Variants in KBTBD11 observed in about 807,000 individuals in gnomAD.
The protein encoded by KBTBD11 is kelch repeat and BTB domain containing 11.
For synonymous variants in KBTBD11, 747 were observed against 499.0 expected, an observed-to-expected ratio of 1.50 and a Z score of -6.63; for missense variants, 1,390 against 1,001.8, an observed-to-expected ratio of 1.39 and a Z score of -5.23.
In KBTBD11 at chr8:2,001,445, G is replaced by C. The variant is rs1817349411; in HGVS notation, c.253G>C (p.Ala85Pro). The C allele has an allele frequency of 7.4e-7, 1 of 1,356,520 alleles. No homozygotes were observed. The highest frequency in any genetic ancestry group is 9.4e-7 in the Non-Finnish European group (1 of 1,062,646). 84.0% of individuals were successfully genotyped at this position (1,356,520 alleles called of 1,614,324 possible). A position where few individuals can be genotyped will look rare whatever the true frequency, so the allele number is the denominator to read the frequency against. Residue 85 changes from alanine to proline, a missense_variant, in exon 2 of 2, where the codon GCC becomes CCC. Coordinates refer to ENST00000320248, the MANE Select transcript of KBTBD11 (RefSeq NM_014867.3). ...ERQWEAGSAG[A>P]ASPEELASPE... is the part of the protein sequence containing the mutation. ...GCAGTGGGAGGCCGGCAGCGCGGGC[G>C]CCGCGTCCCCGGAGGAGCTCGCGTC...
rs1466205717 is a variant in KBTBD11 at position 1,973,946 on chromosome 8, C to G, written c.-909+11C>G. 3.1e-6 allele frequency: 3 copies of G among 982,786 alleles called. No individual in the cohort carries two copies. The highest frequency in any genetic ancestry group is 1.2e-6 in the Non-Finnish European group (1 of 828,524). The allele number at this position is 982,786 out of a possible 1,614,324, so 60.9% of individuals were successfully genotyped here. A position where few individuals can be genotyped will look rare whatever the true frequency, so the allele number is the denominator to read the frequency against. On this transcript the variant is annotated intron_variant, in intron 1 of 1. Coordinates refer to ENST00000320248, the MANE Select transcript of KBTBD11 (RefSeq NM_014867.3). The stretch of plus-strand genomic sequence containing the variant: ...AGGAGCCGCGGCGAGGTAGGGCGGA[C>G]CCCGGGGAGGCAGCGGCGGGGCCTG...
rs745846020 is a variant in KBTBD11, at chr8:2,002,374, C to T, written c.1182C>T (p.Ala394=). 2.0e-6 allele frequency: 3 copies of T among 1,477,894 alleles called. No homozygotes were observed. Among genetic ancestry groups the T allele is most frequent in the Non-Finnish European group, 2.7e-6 (3 of 1,120,360 alleles). The allele number at this position is 1,477,894 out of a possible 1,614,324, so 91.5% of individuals were successfully genotyped here. The change falls in exon 2 of 2, where the codon GCC becomes GCT. Residue 394 remains alanine, a synonymous_variant. Transcript: ENST00000320248. This position sits in a 1 kb window ranked among gnomAD's most constrained non-coding sequence, Gnocchi z 4.1. ...ACCCGGCCACGGACAGCTGGAGCGC[C>T]GTGAGGCCCCTGCGCCAGGCGCGCT... The part of the protein sequence containing the change: ...CYNPATDSWS[A]VRPLRQARSQ...
chr8:1,978,905 T>C (rs1816443177), intron 1 of KBTBD11, among the ~76,000 whole-genome samples: 1 of 152,152 alleles, frequency 6.6e-6, no homozygotes, highest in Non-Finnish European at 1.5e-5. Flanking sequence ...CTCCCTGGGT[T>C]CCAGTCCTTC....
chr8:1,974,521 G>A (rs913315654), intron 1 of KBTBD11: 101 of 985,124 alleles, frequency 1.0e-4, no homozygotes, highest in Non-Finnish European at 1.2e-4. Context: ...GGAGGGGAGC[G>A]CGGCCCTTGG....
At chr8:1,992,486 G>A (rs1302583360) in intron 1 of KBTBD11, among the ~76,000 whole-genome samples, 1 of 152,038 alleles carries the variant, frequency 6.6e-6, no homozygotes, top group Non-Finnish European at 1.5e-5. Context: ...GGGAAACACT[G>A]GCTGGAGGTG....
At chr8:1,974,670 G>T in intron 1 of KBTBD11, 1 of 985,380 alleles carries the variant, frequency 1.0e-6, no homozygotes, top group Non-Finnish European at 1.2e-6. Context: ...CGCCCCATGT[G>T]CTGGGGAGAC....
chr8:1,995,034 G>A (rs1465390066), intron 1 of KBTBD11, among the ~76,000 whole-genome samples: 6 of 144,138 alleles, frequency 4.2e-5, no homozygotes, highest in Non-Finnish European at 8.9e-5. Flanking sequence ...ACTACAGCCT[G>A]GGGAACAAGG....
At chr8:1,994,741 T>C (rs1817067965) in intron 1 of KBTBD11, among the ~76,000 whole-genome samples, 1 of 152,130 alleles carries the variant, frequency 6.6e-6, no homozygotes, top group African/African-American at 2.4e-5. Flanking sequence ...CCAGCTGGTC[T>C]CTTAGGATGC....
rs1817444728 is a variant in KBTBD11, at chr8:2,002,852, C to T, written c.1660C>T (p.Arg554Cys). The change falls in exon 2 of 2, where the codon CGC (arginine) becomes TGC (cysteine). Residue 554 changes from arginine to cysteine, a missense_variant. Transcript: ENST00000320248. This position sits in a 1 kb window ranked among gnomAD's most constrained non-coding sequence, Gnocchi z 4.1. ...PGGPTGLQPF[R>C]CAALDGAIYC... ...CGGCCCCACGGGCCTGCAGCCCTTC[C>T]GCTGCGCCGCCCTGGACGGCGCCAT... 5.7e-6 allele frequency: 8 copies of T among 1,397,722 alleles called. No individual in the cohort carries two copies. The highest frequency in any genetic ancestry group is 6.1e-5 in the East Asian group (2 of 32,942). 86.6% of individuals were successfully genotyped at this position (1,397,722 alleles called of 1,614,324 possible).
Position 2,002,884 on chromosome 8 carries a change from C to T in KBTBD11, c.1692C>T (p.Cys564=), listed in dbSNP as rs1297187542. ...CCGCCCTGGACGGCGCCATCTACTG[C>T]GTGAGCCGCGCGGGCACCTGGCGCT... ...RCAALDGAIY[C]VSRAGTWRFQ... Residue 564 remains cysteine, a synonymous_variant, in exon 2 of 2, where the codon TGC becomes TGT. Transcript: ENST00000320248. This position sits in a 1 kb window ranked among gnomAD's most constrained non-coding sequence, Gnocchi z 4.1. 2.3e-6 allele frequency: 3 copies of T among 1,328,206 alleles called. No homozygotes were observed. The highest frequency in any genetic ancestry group is 2.0e-5 in the South Asian group (1 of 50,884). The allele number at this position is 1,328,206 out of a possible 1,614,324, so 82.3% of individuals were successfully genotyped here.
intron 1 of KBTBD11, among the ~76,000 whole-genome samples, chr8:1,979,561 G>A (rs901798944): frequency 4.6e-5 from 7 of 152,194 alleles, no homozygotes; most frequent in Non-Finnish European, 7.3e-5. Context: ...CCCAGGGGGC[G>A]GAGGTTGCAG....
intron 1 of KBTBD11, among the ~76,000 whole-genome samples, chr8:1,991,642 G>C (rs1816922831): frequency 6.6e-6 from 1 of 151,724 alleles, no homozygotes; most frequent in South Asian, 2.1e-4. Flanking sequence ...GAAGAGCTCA[G>C]GGTATCTTGT....
Position 2,001,958 on chromosome 8 carries a change from T to A in KBTBD11, c.766T>A (p.Tyr256Asn). ...QRLNELRDAA[Y>N]CFMSDHYLEV... ...GCTGAACGAGCTGCGCGACGCCGCC[T>A]ACTGCTTCATGAGCGACCACTATCT... The change falls in exon 2 of 2, where the codon TAC (tyrosine) becomes AAC (asparagine). Residue 256 changes from tyrosine (Y) to asparagine (N), a missense_variant. Tyr to Asn is a moderately radical substitution (Grantham distance 143, BLOSUM62 -2). Transcript: ENST00000320248. 2 of 1,473,376 alleles carry A rather than the reference T, an allele frequency of 1.4e-6. No homozygotes were observed. The highest frequency in any genetic ancestry group is 3.0e-5 in the East Asian group (1 of 33,380). 91.3% of individuals were successfully genotyped at this position (1,473,376 alleles called of 1,614,324 possible).
Position 1,981,631 on chromosome 8 carries a change from G to A in KBTBD11, c.-909+7696G>A, listed in dbSNP as rs142454285. Among the ~76,000 whole-genome samples the A allele has an allele frequency of 3.5e-4, 53 of 152,270 alleles. No homozygotes were observed. The East Asian group carries it at 6.6e-3, about 19-fold the overall frequency. On this transcript the variant is annotated intron_variant, in intron 1 of 1. Coordinates refer to ENST00000320248, the MANE Select transcript of KBTBD11 (RefSeq NM_014867.3). ...GTGAGGAAGATTTGCCCTCAGTACC[G>A]TCCAATTGTCTGAGAGCCCAGATAG... is the stretch of plus-strand genomic sequence containing the variant.
intron 1 of KBTBD11, among the ~76,000 whole-genome samples, chr8:1,986,741 T>G (rs1816716478): frequency 6.6e-6 from 1 of 152,208 alleles, no homozygotes; most frequent in Non-Finnish European, 1.5e-5. Flanking sequence ...TGTTTAAACA[T>G]ATGGCATTAC....
At chr8:1,988,827 G>A (rs972946393) in intron 1 of KBTBD11, among the ~76,000 whole-genome samples, 1 of 151,124 alleles carries the variant, frequency 6.6e-6, no homozygotes, top group Non-Finnish European at 1.5e-5. Context: ...ATATATGTCT[G>A]CTAAGTAAAT....
intron 1 of KBTBD11, among the ~76,000 whole-genome samples, chr8:1,985,883 A>T (rs150317178): frequency 1.0e-3 from 156 of 152,366 alleles, no homozygotes; most frequent in African/African-American, 3.6e-3. Context: ...TAAAGAACGA[A>T]TGATAACATC....
chr8:1,985,681 A>G (rs564163597), intron 1 of KBTBD11, among the ~76,000 whole-genome samples: 1 of 152,388 alleles, frequency 6.6e-6, no homozygotes, highest in South Asian at 2.1e-4. Context: ...TATGTTGGCC[A>G]GGTGCATTGG....
At position 2,002,886 on chromosome 8, in the gene KBTBD11, T is replaced by TGA; in HGVS notation, c.1696_1697dup (p.Ser566ArgfsTer129). On this transcript the variant is annotated frameshift_variant, in exon 2 of 2. Coordinates refer to ENST00000320248, the MANE Select transcript of KBTBD11 (RefSeq NM_014867.3). LOFTEE classifies it low-confidence loss of function (END_TRUNC). The surrounding 1 kb of genome is among the most constrained non-coding windows in gnomAD (Gnocchi z 4.1). ...GCCCTGGACGGCGCCATCTACTGCGTGAGCCGCGCGGGCACCTGGCGCTTC... is the reference window on the plus strand; with the variant it reads ...GCCCTGGACGGCGCCATCTACTGCGTGAGAGCCGCGCGGGCACCTGGCGCTTC... 1 of 1,327,890 alleles carries TGA rather than the reference T, an allele frequency of 7.5e-7. No individual in the cohort carries two copies. 82.3% of individuals were successfully genotyped at this position (1,327,890 alleles called of 1,614,324 possible). A position where few individuals can be genotyped will look rare whatever the true frequency, so the allele number is the denominator to read the frequency against.
Sources: allele counts gnomAD v4.1 joint callset (sites outside exome capture counted in the v4.1 genomes callset), GRCh38; gene constraint gnomAD v4.1.1; non-coding constraint Gnocchi (gnomAD v3.1); transcripts MANE v1.5; gene names NCBI Gene and HGNC (gene_info 2026-07-23, HGNC 2026-07-21).